CDH8: variants seen among roughly 807,000 people sequenced by gnomAD.
CDH8 encodes the protein cadherin 8.
CDH8 carries 17 observed loss-of-function variants against 68.1 expected under a neutral mutation model. That is an observed-to-expected ratio of 0.25 (90% confidence interval 0.17 to 0.37). CDH8 has a LOEUF of 0.37. Among genes scored for constraint, CDH8 ranks in the 10% least tolerant of loss-of-function variants. The probability of loss-of-function intolerance (pLI) is 1.00; values close to 1 mark genes in which losing one functional copy is unlikely to be tolerated. For synonymous variants in CDH8, 372 were observed against 365.1 expected, an observed-to-expected ratio of 1.02 and a Z score of -0.21; for missense variants, 763 against 999.3, an observed-to-expected ratio of 0.76 and a Z score of 3.19.
At chr16:61,673,181 T>C (rs1345015961) in intron 10 of CDH8, among the ~76,000 whole-genome samples, 4 of 152,148 alleles carry the variant, frequency 2.6e-5, no homozygotes, top group Admixed American at 6.5e-5. Context: ...CTTATCTTAA[T>C]GTGTAGCCCT....
At chr16:61,835,459 G>C (rs565873696) in intron 4 of CDH8, among the ~76,000 whole-genome samples, 1 of 151,944 alleles carries the variant, frequency 6.6e-6, no homozygotes, top group South Asian at 2.1e-4. Context: ...CATGCATAGT[G>C]ACTTCGTGTA....
intron 11 of CDH8, among the ~76,000 whole-genome samples, chr16:61,654,782 T>C (rs1232158673): frequency 6.6e-6 from 1 of 152,178 alleles, no homozygotes; most frequent in African/African-American, 2.4e-5. Context: ...GAAAGACAGA[T>C]GGAACAAGAA....
chr16:62,030,990 G>A (rs1902311924), intron 1 of CDH8, among the ~76,000 whole-genome samples: 1 of 152,010 alleles, frequency 6.6e-6, no homozygotes, highest in Non-Finnish European at 1.5e-5. Context: ...AAGAAGGAGG[G>A]CAGGAAGGAG....
In CDH8 at chr16:61,741,032, A is replaced by T. The variant is rs149146633; in HGVS notation, c.1415-13817T>A. Among the ~76,000 whole-genome samples, 4 of 152,250 alleles carry T rather than the reference A, an allele frequency of 2.6e-5. No individual in the cohort carries two copies. The East Asian group carries it at 7.7e-4, about 29-fold the overall frequency. On this transcript the variant is annotated intron_variant, in intron 8 of 11. Coordinates refer to ENST00000577390, the MANE Select transcript of CDH8 (RefSeq NM_001796.5). Reference sequence around the variant, plus strand: ...ACTGTACTAAAGATCAAGCTGCTGCATATTTGCATCAATACTTGGTAAAAT... The same window carrying T: ...ACTGTACTAAAGATCAAGCTGCTGCTTATTTGCATCAATACTTGGTAAAAT...
At chr16:61,707,585 C>T (rs1964557053) in intron 10 of CDH8, among the ~76,000 whole-genome samples, 2 of 152,064 alleles carry the variant, frequency 1.3e-5, no homozygotes, top group South Asian at 4.1e-4. Context: ...TCTACTTCTT[C>T]AATAAACTGA....
intron 9 of CDH8, among the ~76,000 whole-genome samples, chr16:61,722,614 G>C (rs1959232396): frequency 6.6e-6 from 1 of 150,734 alleles, no homozygotes; most frequent in Non-Finnish European, 1.5e-5. Flanking sequence ...TTTGTGAGTG[G>C]AACAAGTGTT....
chr16:61,881,653 A>G (rs1963580460), intron 3 of CDH8, among the ~76,000 whole-genome samples: 2 of 152,208 alleles, frequency 1.3e-5, no homozygotes, highest in South Asian at 4.1e-4. Flanking sequence ...GGCAAAACTG[A>G]CATTTATTGA....
At chr16:61,711,703 G>C (rs908348359) in intron 10 of CDH8, 1 of 151,426 alleles carries the variant, frequency 6.6e-6, no homozygotes, top group African/African-American at 2.4e-5. Flanking sequence ...TCAAACCTGT[G>C]GTTTCATGAT....
At chr16:61,971,690 C>T (rs1965342893) in intron 2 of CDH8, among the ~76,000 whole-genome samples, 1 of 152,152 alleles carries the variant, frequency 6.6e-6, no homozygotes. Flanking sequence ...CTCTTCCCTC[C>T]CTGGAGTTTG....
rs1484784898 is a variant in CDH8, at chr16:61,732,091, A to G, written c.1415-4876T>C. Among the ~76,000 whole-genome samples, 2 of 151,678 alleles carry G rather than the reference A, an allele frequency of 1.3e-5. 1 individual carries two copies. Among genetic ancestry groups the G allele is most frequent in the African/African-American group, 4.8e-5 (2 of 41,384 alleles). On this transcript the variant is annotated intron_variant, in intron 8 of 11. Transcript: ENST00000577390. ...AAGAACAGCAGTTAAAAAAAAATAA[A>G]GAAAAATGAGCAGAGCCTCAGTGAA...
chr16:61,683,614 G>T (rs538584013), intron 10 of CDH8, among the ~76,000 whole-genome samples: 89 of 152,064 alleles, frequency 5.9e-4, no homozygotes, highest in African/African-American at 2.1e-3. Flanking sequence ...GGACATTTGG[G>T]TATCATTAAG....
At chr16:61,739,910 TA>T (rs1567448262) in intron 8 of CDH8, among the ~76,000 whole-genome samples, 16 of 75,088 alleles carry the variant, frequency 2.1e-4, no homozygotes, top group African/African-American at 1.0e-3. Flanking sequence ...TATATATATA[TA>T]TGTATTTTTT....
At chr16:61,774,015 A>T (rs1960846560) in intron 8 of CDH8, among the ~76,000 whole-genome samples, 1 of 152,044 alleles carries the variant, frequency 6.6e-6, no homozygotes, top group Non-Finnish European at 1.5e-5. Context: ...GGGGTGGATA[A>T]GGATGGAATT....
intron 2 of CDH8, among the ~76,000 whole-genome samples, chr16:61,912,941 T>C (rs1964184366): frequency 6.6e-6 from 1 of 152,110 alleles, no homozygotes; most frequent in South Asian, 2.1e-4. Flanking sequence ...AGAAAACAAT[T>C]TTTAAAACAC....
chr16:61,979,741 T>G (rs1375962094), intron 2 of CDH8, among the ~76,000 whole-genome samples: 2 of 152,122 alleles, frequency 1.3e-5, no homozygotes, highest in Non-Finnish European at 2.9e-5. Flanking sequence ...GCTTTAAGAC[T>G]ATCAAATAAG....
intron 10 of CDH8, among the ~76,000 whole-genome samples, chr16:61,697,477 A>C (rs1198955797): frequency 6.7e-6 from 1 of 148,310 alleles, no homozygotes; most frequent in East Asian, 2.0e-4. Flanking sequence ...ATGCAGTCAG[A>C]ACTACACTTT....
chr16:61,900,499 A>G (rs1275174946), intron 3 of CDH8, among the ~76,000 whole-genome samples: 1 of 152,180 alleles, frequency 6.6e-6, no homozygotes, highest in East Asian at 1.9e-4. Flanking sequence ...TCATCATGGC[A>G]GGGGTTTAGG....
At chr16:61,709,339 A>G (rs1054122529) in intron 10 of CDH8, among the ~76,000 whole-genome samples, 5 of 152,120 alleles carry the variant, frequency 3.3e-5, no homozygotes, top group African/African-American at 1.2e-4. Flanking sequence ...AGAGGACAGA[A>G]TGACTCTGTC....
At chr16:61,950,236 T>A (rs1487779734) in intron 2 of CDH8, among the ~76,000 whole-genome samples, 1 of 151,744 alleles carries the variant, frequency 6.6e-6, no homozygotes, top group African/African-American at 2.4e-5. Flanking sequence ...CTCAAATGAA[T>A]TTTTTTTTCT....
Sources: gnomAD v4.1 joint callset for allele counts (sites outside exome capture counted in the v4.1 genomes callset) on GRCh38, gnomAD v4.1.1 for gene constraint, MANE v1.5 for transcripts, NCBI Gene and HGNC (gene_info 2026-07-23, HGNC 2026-07-21) for gene names.